AGBL4: variants seen among roughly 807,000 people sequenced by gnomAD.
AGBL4 encodes cytosolic carboxypeptidase 6.
In AGBL4, 58 loss-of-function variants were observed where a neutral mutation model predicts 66.4. The observed-to-expected ratio is 0.87, with a 90% CI of 0.71 to 1.09. The LOEUF is 1.09. Ranked by LOEUF, AGBL4 falls within the 50% of genes least tolerant of loss-of-function variation. AGBL4 has a pLI of 0.00. For synonymous variants in AGBL4, 234 were observed against 222.9 expected (o/e 1.05, Z -0.44); for missense variants, 579 against 631.0 (o/e 0.92, Z 0.88).
intron 4 of AGBL4, among the ~76,000 whole-genome samples, chr1:49,105,589 T>C (rs1327803601): frequency 1.3e-5 from 2 of 152,206 alleles, no homozygotes; most frequent in Non-Finnish European, 2.9e-5. Context: ...ATAATATTAA[T>C]GAGTGCAAGC....
At chr1:48,737,015 G>A (rs1258340883) in intron 6 of AGBL4, among the ~76,000 whole-genome samples, 1 of 152,196 alleles carries the variant, frequency 6.6e-6, no homozygotes, top group Non-Finnish European at 1.5e-5. Context: ...CAGGCATGGT[G>A]GCTCACACCT....
intron 3 of AGBL4, among the ~76,000 whole-genome samples, chr1:49,598,025 T>C (rs1240561906): frequency 6.6e-6 from 1 of 152,224 alleles, no homozygotes; most frequent in Non-Finnish European, 1.5e-5. Context: ...TCTTGCCTGA[T>C]TGCCCTGGCC....
At chr1:49,660,179 G>C (rs956350812) in intron 3 of AGBL4, among the ~76,000 whole-genome samples, 1 of 152,114 alleles carries the variant, frequency 6.6e-6, no homozygotes, top group Non-Finnish European at 1.5e-5. Flanking sequence ...CTACAAAGTA[G>C]GAGAAAATTT....
chr1:49,935,978 C>T (rs1653960559), intron 1 of AGBL4, among the ~76,000 whole-genome samples: 1 of 152,174 alleles, frequency 6.6e-6, no homozygotes, highest in Non-Finnish European at 1.5e-5. Flanking sequence ...TGGAACAACG[C>T]TGGAGGGAGA....
chr1:49,185,260 G>T (rs550351768), intron 4 of AGBL4, among the ~76,000 whole-genome samples: 1 of 152,270 alleles, frequency 6.6e-6, no homozygotes, highest in East Asian at 1.9e-4. Context: ...CTACAGAAAA[G>T]GGCACAGGAA....
At chr1:49,453,316 T>C (rs1646319405) in intron 3 of AGBL4, among the ~76,000 whole-genome samples, 2 of 151,868 alleles carry the variant, frequency 1.3e-5, no homozygotes. Context: ...GCAAATATTA[T>C]GCCACAAATA....
chr1:49,810,675 C>T (rs1557469793), intron 2 of AGBL4, among the ~76,000 whole-genome samples: 1 of 151,972 alleles, frequency 6.6e-6, no homozygotes. Flanking sequence ...ATATAGCAGA[C>T]TGAAACAAAG....
chr1:49,654,083 G>A (rs2124459747), intron 3 of AGBL4, among the ~76,000 whole-genome samples: 1 of 152,230 alleles, frequency 6.6e-6, no homozygotes, highest in East Asian at 1.9e-4. Context: ...AGAAAGGCCA[G>A]GTCACCTATA....
At chr1:49,964,118 T>A (rs753272551) in intron 1 of AGBL4, among the ~76,000 whole-genome samples, 15 of 152,118 alleles carry the variant, frequency 9.9e-5, no homozygotes, top group Non-Finnish European at 1.8e-4. Flanking sequence ...CCAAGTAGGA[T>A]CTTGTGCGGA....
At chr1:49,304,232 G>A (rs748796166) in intron 3 of AGBL4, among the ~76,000 whole-genome samples, 2 of 152,152 alleles carry the variant, frequency 1.3e-5, no homozygotes, top group Non-Finnish European at 2.9e-5. Context: ...TTATTAAATA[G>A]GGAATCCTTT....
chr1:49,591,984 C>T (rs1285631433), intron 3 of AGBL4, among the ~76,000 whole-genome samples: 1 of 151,946 alleles, frequency 6.6e-6, no homozygotes, highest in Admixed American at 6.6e-5. Flanking sequence ...CTATAAAAAC[C>T]CTGGAAGAAA....
intron 5 of AGBL4, among the ~76,000 whole-genome samples, chr1:48,876,341 T>C (rs1649222884): frequency 6.6e-6 from 1 of 152,108 alleles, no homozygotes; most frequent in Admixed American, 6.6e-5. Context: ...CCTAAAATCT[T>C]ACACAGTCAG....
intron 3 of AGBL4, among the ~76,000 whole-genome samples, chr1:49,676,011 G>C (rs1042588280): frequency 6.6e-6 from 1 of 152,100 alleles, no homozygotes; most frequent in Non-Finnish European, 1.5e-5. Context: ...CTGGTTTACA[G>C]AGCAGTTCTA....
chr1:48,718,783 A>C (rs758536757), intron 6 of AGBL4, among the ~76,000 whole-genome samples: 3 of 152,138 alleles, frequency 2.0e-5, no homozygotes, highest in Non-Finnish European at 4.4e-5. Flanking sequence ...AGCCTGTATA[A>C]CTGAGGCTCA....
chr1:49,372,219 C>T (rs1292928835), intron 3 of AGBL4, among the ~76,000 whole-genome samples: 1 of 151,996 alleles, frequency 6.6e-6, no homozygotes, highest in Admixed American at 6.6e-5. Context: ...ATGTTAAAAA[C>T]AAAAACTAGT....
intron 11 of AGBL4, chr1:48,585,197 G>C (rs12022127): frequency 6.6e-6 from 1 of 152,204 alleles, no homozygotes; most frequent in Admixed American, 6.5e-5. Context: ...TAAGACAGAA[G>C]CATGTCAGAA....
chr1:48,882,555 C>G (rs746171641), intron 5 of AGBL4, among the ~76,000 whole-genome samples: 12 of 151,874 alleles, frequency 7.9e-5, no homozygotes, highest in Admixed American at 1.3e-4. Flanking sequence ...AATGTCCTTA[C>G]CACAAAAAAA....
intron 3 of AGBL4, among the ~76,000 whole-genome samples, chr1:49,371,286 TAC>T (rs35387440): frequency 1.4e-5 from 2 of 145,720 alleles, no homozygotes; most frequent in South Asian, 2.2e-4. Flanking sequence ...CATACATACA[TAC>T]ACACACACAC....
At chr1:49,398,863 T>G (rs1645026682) in intron 3 of AGBL4, among the ~76,000 whole-genome samples, 1 of 152,310 alleles carries the variant, frequency 6.6e-6, no homozygotes, top group African/African-American at 2.4e-5. Flanking sequence ...TGTACTCTTT[T>G]AGTTATTTTT....
Sources: allele counts gnomAD v4.1 joint callset (sites outside exome capture counted in the v4.1 genomes callset), GRCh38; gene constraint gnomAD v4.1.1; transcripts MANE v1.5; gene names NCBI Gene and HGNC (gene_info 2026-07-23, HGNC 2026-07-21).